CYRIB: variants seen among roughly 807,000 people sequenced by gnomAD.
CYRIB encodes CYFIP-related Rac1 interactor B.
CYRIB carries 8 observed loss-of-function variants against 44.2 expected under a neutral mutation model. The observed-to-expected ratio is 0.18, with a 90% CI of 0.11 to 0.33. The LOEUF (loss-of-function observed/expected upper bound fraction) is 0.33. Ranked by LOEUF, CYRIB falls within the 10% of genes least tolerant of loss-of-function variation. CYRIB has a pLI of 1.00. For missense variants in CYRIB, 185 were observed against 382.8 expected, an observed-to-expected ratio of 0.48 and a Z score of 4.31; for synonymous variants, 131 against 127.2, an observed-to-expected ratio of 1.03 and a Z score of -0.20.
chr8:129,855,814 TGAA>T (rs2045938040), intron 5 of CYRIB, 67 bp from the exon 8 acceptor site: 1 of 1,422,206 alleles, frequency 7.0e-7, no homozygotes, highest in Non-Finnish European at 9.6e-7. Flanking sequence ...TATTAAAAAG[TGAA>T]CAATTCATAA....
At chr8:129,850,612 A>G in intron 9 of CYRIB, 1 of 536,328 alleles carries the variant, frequency 1.9e-6, no homozygotes, top group Non-Finnish European at 3.3e-6. Context: ...GAGTGGTCTG[A>G]GGTACCTGAA....
At chr8:129,988,145 T>C (rs1012328157) in intron 1 of CYRIB, among the ~76,000 whole-genome samples, 2 of 152,148 alleles carry the variant, frequency 1.3e-5, no homozygotes, top group African/African-American at 4.8e-5. Flanking sequence ...TTTCATAGTC[T>C]CCTGTAACAG....
chr8:129,977,723 G>C (rs1390717155), intron 1 of CYRIB, among the ~76,000 whole-genome samples: 2 of 151,970 alleles, frequency 1.3e-5, no homozygotes, highest in Non-Finnish European at 2.9e-5. Flanking sequence ...TAGTAGAGAT[G>C]GGGTTTCACC....
At chr8:129,935,028 T>A (rs1036059933) in intron 1 of CYRIB, among the ~76,000 whole-genome samples, 1 of 152,204 alleles carries the variant, frequency 6.6e-6, no homozygotes, top group African/African-American at 2.4e-5. Flanking sequence ...CTTCTCCCTA[T>A]AACTGGTTGC....
At chr8:129,979,177 A>T (rs1253462618) in intron 1 of CYRIB, among the ~76,000 whole-genome samples, 1 of 152,038 alleles carries the variant, frequency 6.6e-6, no homozygotes. Context: ...AATTAAATAA[A>T]TAATATATCA....
rs182380159 is a variant in CYRIB at position 129,923,004 on chromosome 8, C to T, written c.-50+16604G>A. Among the ~76,000 whole-genome samples, 342 of 149,128 alleles carry T rather than the reference C, an allele frequency of 2.3e-3. 1 individual carries two copies. Among genetic ancestry groups the T allele is most frequent in the African/African-American group, 8.1e-3 (328 of 40,550 alleles). ...CAGCACTTTGGAAGGCAGGGGTGGGCGGATCACCTGAGGTCGGGAGCTCTA... is the reference window on the plus strand; with the variant it reads ...CAGCACTTTGGAAGGCAGGGGTGGGTGGATCACCTGAGGTCGGGAGCTCTA... On this transcript the variant is annotated intron_variant, in intron 1 of 11. Coordinates refer to ENST00000519824, the Ensembl canonical transcript of CYRIB.
At chr8:129,997,216 T>C (rs896216497) in intron 1 of CYRIB, among the ~76,000 whole-genome samples, 6 of 151,976 alleles carry the variant, frequency 3.9e-5, no homozygotes, top group African/African-American at 7.3e-5. Context: ...ACATGGTCTA[T>C]TGGGGGCGAG....
At chr8:129,858,049 T>A (rs1285375966) in intron 5 of CYRIB, among the ~76,000 whole-genome samples, 1 of 152,180 alleles carries the variant, frequency 6.6e-6, no homozygotes, top group East Asian at 1.9e-4. Flanking sequence ...AAAGGGAAGC[T>A]CAAGATGATA....
At chr8:129,873,597 A>C (rs1464588601) in intron 3 of CYRIB, among the ~76,000 whole-genome samples, 1 of 152,018 alleles carries the variant, frequency 6.6e-6, no homozygotes, top group Non-Finnish European at 1.5e-5. Context: ...TGAATTCATG[A>C]AGTGGGAATT....
chr8:129,925,369 G>C (rs147377911), intron 1 of CYRIB, among the ~76,000 whole-genome samples: 227 of 152,244 alleles, frequency 1.5e-3, no homozygotes, highest in African/African-American at 4.9e-3. Flanking sequence ...TCCAGCCTGG[G>C]TGACAGAGCG....
intron 4 of CYRIB, among the ~76,000 whole-genome samples, chr8:129,864,116 ATTTAC>A (rs1195013794): frequency 6.6e-6 from 1 of 152,260 alleles, no homozygotes; most frequent in Non-Finnish European, 1.5e-5. Flanking sequence ...TGGTTAAGCA[ATTTAC>A]TTTACAAGCT....
chr8:130,011,788 G>A (rs558121041), intron 1 of CYRIB, among the ~76,000 whole-genome samples: 6 of 151,866 alleles, frequency 4.0e-5, no homozygotes, highest in Admixed American at 3.9e-4. Flanking sequence ...AGCCGAGATC[G>A]CACCACTGCA....
intron 2 of CYRIB, among the ~76,000 whole-genome samples, chr8:129,957,975 AAAAAAATAC>A (rs2094963220): frequency 1.3e-5 from 2 of 151,236 alleles, no homozygotes; most frequent in African/African-American, 4.9e-5. Flanking sequence ...AAAAAAAAAA[AAAAAAATAC>A]AAAAAATACA....
At chr8:129,954,773 A>G (rs1290239257) in intron 2 of CYRIB, among the ~76,000 whole-genome samples, 1 of 152,194 alleles carries the variant, frequency 6.6e-6, no homozygotes, top group Non-Finnish European at 1.5e-5. Flanking sequence ...TCCAAAGGTT[A>G]GTCTACATCA....
chr8:130,012,650 G>C (rs974394802), intron 1 of CYRIB, among the ~76,000 whole-genome samples: 1 of 152,168 alleles, frequency 6.6e-6, no homozygotes, highest in Non-Finnish European at 1.5e-5. Context: ...GAAAGACAAA[G>C]AGAAAGGAAG....
intron 1 of CYRIB, among the ~76,000 whole-genome samples, chr8:129,918,968 G>T (rs544091951): frequency 1.3e-4 from 20 of 152,252 alleles, no homozygotes; most frequent in Non-Finnish European, 2.6e-4. Context: ...TAAATAAAGA[G>T]ACTTCAAATG....
At chr8:129,970,398 T>A (rs2095643960) in intron 2 of CYRIB, 1 of 151,364 alleles carries the variant, frequency 6.6e-6, no homozygotes, top group African/African-American at 2.4e-5. Flanking sequence ...CAAGACTACA[T>A]TAGTTAAGAG....
intron 1 of CYRIB, among the ~76,000 whole-genome samples, chr8:129,933,617 C>T (rs1219103381): frequency 1.3e-5 from 2 of 152,050 alleles, no homozygotes; most frequent in Non-Finnish European, 2.9e-5. Context: ...GGCTCGCGCA[C>T]CTGTGATCCC....
chr8:129,889,159 A>G (rs11984804), intron 2 of CYRIB, among the ~76,000 whole-genome samples: 34,779 of 152,140 alleles, frequency 0.23, 5,001 homozygotes, highest in East Asian at 0.52. Flanking sequence ...TGTGCTCTCT[A>G]AATGGTACAA....
Sources: gnomAD v4.1 joint callset for allele counts (sites outside exome capture counted in the v4.1 genomes callset) on GRCh38, gnomAD v4.1.1 for gene constraint, MANE v1.5 for transcripts, NCBI Gene and HGNC (gene_info 2026-07-23, HGNC 2026-07-21) for gene names.